COBL: variants seen among roughly 807,000 people sequenced by gnomAD.
COBL encodes cordon-bleu WH2 repeat protein, also known as protein cordon-bleu.
In COBL, 51 loss-of-function variants were observed where a neutral mutation model predicts 98.8. That is an observed-to-expected ratio of 0.52 (90% CI 0.41 to 0.65). The LOEUF (loss-of-function observed/expected upper bound fraction) is 0.65, where lower values mean the gene tolerates loss of function less well. Among genes scored for constraint, COBL ranks in the 30% least tolerant of loss-of-function variants. COBL has a pLI of 0.00. For synonymous variants in COBL, 634 were observed against 651.7 expected, an observed-to-expected ratio of 0.97 and a Z score of 0.41; for missense variants, 1,617 against 1,617.5, an observed-to-expected ratio of 1.00 and a Z score of 0.01.
intron 2 of COBL, among the ~76,000 whole-genome samples, chr7:51,193,853 A>C (rs1231463350): frequency 6.6e-6 from 1 of 152,234 alleles, no homozygotes; most frequent in Non-Finnish European, 1.5e-5. Context: ...AGTTAAATCC[A>C]AGGGTATGTT....
intron 6 of COBL, among the ~76,000 whole-genome samples, chr7:51,119,913 G>A (rs554034825): frequency 7.2e-5 from 11 of 152,108 alleles, no homozygotes; most frequent in Non-Finnish European, 1.5e-4. Flanking sequence ...GTCCTTTTGA[G>A]TGACTTGCCC....
At chr7:51,050,961 TTTATA>T (rs1389866072) in intron 7 of COBL, among the ~76,000 whole-genome samples, 1 of 152,226 alleles carries the variant, frequency 6.6e-6, no homozygotes, top group Non-Finnish European at 1.5e-5. Flanking sequence ...GAACCATTAT[TTTATA>T]TTAAATTACA....
At chr7:51,072,586 T>C (rs1025590650) in intron 7 of COBL, 1 of 152,250 alleles carries the variant, frequency 6.6e-6, no homozygotes, top group Non-Finnish European at 1.5e-5. Flanking sequence ...TGTTATTCAC[T>C]CTTATAGCCC....
intron 2 of COBL, among the ~76,000 whole-genome samples, chr7:51,216,018 T>C (rs891575212): frequency 6.6e-6 from 1 of 152,250 alleles, no homozygotes; most frequent in Non-Finnish European, 1.5e-5. Flanking sequence ...ATCACAGGAC[T>C]GAATATGAGG....
chr7:51,286,497 C>A (rs1312815685), intron 1 of COBL, among the ~76,000 whole-genome samples: 1 of 151,068 alleles, frequency 6.6e-6, no homozygotes, highest in African/African-American at 2.4e-5. Flanking sequence ...AGCCAAGAAA[C>A]ATATGAAAAA....
intron 8 of COBL, chr7:51,033,521 T>C (rs917562098): frequency 2.6e-5 from 4 of 152,224 alleles, no homozygotes; most frequent in South Asian, 2.1e-4. Context: ...AGCACACACA[T>C]ATATAGAAAC....
chr7:51,251,221 A>T (rs1487599430), intron 1 of COBL, among the ~76,000 whole-genome samples: 1 of 152,242 alleles, frequency 6.6e-6, no homozygotes, highest in Non-Finnish European at 1.5e-5. Flanking sequence ...CACCAAGAGA[A>T]TGTATATGAC....
chr7:51,275,413 A>T (rs1195109054), intron 1 of COBL, among the ~76,000 whole-genome samples: 1 of 152,118 alleles, frequency 6.6e-6, no homozygotes, highest in African/African-American at 2.4e-5. Flanking sequence ...TACAACGAGG[A>T]TTTGTTTTTG....
intron 5 of COBL, among the ~76,000 whole-genome samples, chr7:51,146,766 G>A (rs1026776166): frequency 3.9e-5 from 6 of 152,112 alleles, no homozygotes; most frequent in Non-Finnish European, 5.9e-5. Context: ...GTGCAGAGGG[G>A]GAGTCGCAAG....
chr7:51,163,925 A>G (rs931154291), intron 5 of COBL, among the ~76,000 whole-genome samples: 1 of 152,242 alleles, frequency 6.6e-6, no homozygotes, highest in Non-Finnish European at 1.5e-5. Flanking sequence ...TGCCAAATTC[A>G]CCACCATAAA....
At chr7:51,073,424 C>T (rs761082019) in intron 7 of COBL, 1 of 653,012 alleles carries the variant, frequency 1.5e-6, no homozygotes, top group South Asian at 1.6e-5. Context: ...TGAACGCACA[C>T]TTGCGGTGAA....
At chr7:51,218,083 C>T (rs995491480) in intron 2 of COBL, among the ~76,000 whole-genome samples, 6 of 152,256 alleles carry the variant, frequency 3.9e-5, no homozygotes, top group Non-Finnish European at 7.3e-5. Context: ...CACTGGAGAG[C>T]AGGCTGGCCT....
chr7:51,240,455 T>C (rs1162923346), intron 1 of COBL, among the ~76,000 whole-genome samples: 2 of 152,266 alleles, frequency 1.3e-5, no homozygotes, highest in African/African-American at 2.4e-5. Flanking sequence ...AGCGTGGCCA[T>C]GGACTTGAGT....
At chr7:51,280,246 C>G (rs770821557) in intron 1 of COBL, among the ~76,000 whole-genome samples, 1 of 152,050 alleles carries the variant, frequency 6.6e-6, no homozygotes, top group Non-Finnish European at 1.5e-5. Context: ...ACAGAGAGAG[C>G]TACAAGAGAA....
intron 5 of COBL, among the ~76,000 whole-genome samples, chr7:51,175,387 G>A (rs1788270889): frequency 1.3e-5 from 2 of 152,150 alleles, no homozygotes; most frequent in Admixed American, 1.3e-4. Flanking sequence ...TTTAGAGACC[G>A]CTCCTTAAAC....
At chr7:51,195,374 T>C (rs1274960333) in intron 2 of COBL, among the ~76,000 whole-genome samples, 1 of 152,190 alleles carries the variant, frequency 6.6e-6, no homozygotes, top group African/African-American at 2.4e-5. Context: ...CATTGCCCTA[T>C]GTGTCTGTTT....
chr7:51,267,506 T>C (rs1056295729), intron 1 of COBL, among the ~76,000 whole-genome samples: 5 of 151,936 alleles, frequency 3.3e-5, no homozygotes, highest in African/African-American at 9.7e-5. Flanking sequence ...TACTAGTATA[T>C]TGAGAGTATA....
At chr7:51,058,930 C>T (rs892247146) in intron 7 of COBL, among the ~76,000 whole-genome samples, 15 of 152,354 alleles carry the variant, frequency 9.8e-5, no homozygotes, top group African/African-American at 3.1e-4. Context: ...TACACCTTCT[C>T]GGCAGGTCTG....
At chr7:51,295,296 A>C (rs1251394361) in intron 1 of COBL, among the ~76,000 whole-genome samples, 6 of 151,734 alleles carry the variant, frequency 4.0e-5, no homozygotes, top group Non-Finnish European at 8.8e-5. Flanking sequence ...AAAAAAAAAA[A>C]AACAACCTAC....
Sources: gnomAD v4.1 joint callset for allele counts (sites outside exome capture counted in the v4.1 genomes callset) on GRCh38, gnomAD v4.1.1 for gene constraint, MANE v1.5 for transcripts, NCBI Gene and HGNC (gene_info 2026-07-23, HGNC 2026-07-21) for gene names.